Variants in PRPF18 observed in about 807,000 individuals in gnomAD.
PRPF18 encodes the protein pre-mRNA-splicing factor 18.
Under a neutral mutation model 46.5 loss-of-function variants are expected in PRPF18, and 38 were observed. The ratio of observed to expected loss-of-function variants is 0.82; its 90% CI spans 0.63 to 1.07. The LOEUF is 1.07. Ranked by LOEUF, PRPF18 falls within the 50% of genes least tolerant of loss-of-function variation. The pLI, the probability that PRPF18 is intolerant of heterozygous loss-of-function variation, is 0.00. For synonymous variants in PRPF18, 152 were observed against 146.7 expected, an observed-to-expected ratio of 1.04 and a Z score of -0.26; for missense variants, 263 against 410.0, an observed-to-expected ratio of 0.64 and a Z score of 3.10.
chr10:13,590,561 C>G (rs1484054871), intron 1 of PRPF18, among the ~76,000 whole-genome samples: 1 of 146,722 alleles, frequency 6.8e-6, no homozygotes, highest in Non-Finnish European at 1.5e-5. Context: ...GCGGGGCTTG[C>G]AGTGAGCTGA....
chr10:13,602,538 TTG>T (rs1312849456), intron 3 of PRPF18, among the ~76,000 whole-genome samples: 4 of 151,786 alleles, frequency 2.6e-5, no homozygotes, highest in Admixed American at 1.3e-4. Flanking sequence ...AGCATCATGC[TTG>T]GAAAGGTTTC....
At chr10:13,645,234 TTTG>T in the PRPF18 span, 1 of 152,228 alleles carries the variant, frequency 6.6e-6, no homozygotes, top group Admixed American at 6.5e-5. Context: ...AAGATTTTTC[TTTG>T]TTTTTATGCT....
At chr10:13,654,612 G>C in the PRPF18 span, 1 of 723,070 alleles carries the variant, frequency 1.4e-6, no homozygotes, top group Non-Finnish European at 2.4e-6. Context: ...AGTGGCCAGA[G>C]GTCACCATTT....
chr10:13,630,776 A>G lies in PRPF18; in HGVS notation c.*436A>G, dbSNP rs1043628441. 6.6e-6 allele frequency: 1 copy of G among 152,144 alleles called. No homozygotes were observed. Among genetic ancestry groups the G allele is most frequent in the Non-Finnish European group, 1.5e-5 (1 of 68,036 alleles). 9.4% of individuals were successfully genotyped at this position (152,144 alleles called of 1,614,324 possible). On this transcript the variant is annotated 3_prime_UTR_variant, in exon 10 of 10. Coordinates refer to ENST00000378572, the MANE Select transcript of PRPF18 (RefSeq NM_003675.4). Reference sequence around the variant, plus strand: ...AAATATTTTTATATATTTCAAAAACATGGGACCATTGAATGAAACTTTATA... The same window carrying G: ...AAATATTTTTATATATTTCAAAAACGTGGGACCATTGAATGAAACTTTATA...
intron 1 of PRPF18, among the ~76,000 whole-genome samples, chr10:13,591,092 C>T (rs1001117872): frequency 9.2e-5 from 14 of 152,160 alleles, no homozygotes; most frequent in African/African-American, 2.7e-4. Flanking sequence ...TGTGGCCAGC[C>T]GGGATAGATC....
chr10:13,608,389 T>C (rs1209706585), intron 4 of PRPF18, among the ~76,000 whole-genome samples: 1 of 152,252 alleles, frequency 6.6e-6, no homozygotes, highest in African/African-American at 2.4e-5. Context: ...CGACCTGCTC[T>C]GTCTGCTAGC....
At chr10:13,587,196 G>T (rs1290536915) in intron 1 of PRPF18, 44 bp downstream of exon 1, 4 of 1,571,228 alleles carry the variant, frequency 2.5e-6, no homozygotes, top group Non-Finnish European at 3.5e-6. Context: ...AAGAGTGAGA[G>T]TATGTGTGTC....
intron 9 of PRPF18, among the ~76,000 whole-genome samples, chr10:13,619,675 T>C (rs74755883): frequency 0.037 from 5,620 of 152,226 alleles, 313 homozygotes; most frequent in African/African-American, 0.12. Context: ...TTTTATTTTC[T>C]TCTCACCTGT....
At chr10:13,646,861 G>C in the PRPF18 span, 2 of 257,582 alleles carry the variant, frequency 7.8e-6, no homozygotes, top group Non-Finnish European at 1.2e-5. Context: ...CGGTGCGTCT[G>C]GGTAAGGCAA....
chr10:13,647,810 G>A, the PRPF18 span: 1 of 149,462 alleles, frequency 6.7e-6, no homozygotes, highest in Non-Finnish European at 1.5e-5. Flanking sequence ...ATCTTAAGAA[G>A]CAATCATAGA....
the PRPF18 span, chr10:13,638,520 GGTGGTGTAGCTC>G: frequency 6.6e-6 from 1 of 152,066 alleles, no homozygotes; most frequent in Non-Finnish European, 1.5e-5. Context: ...CAGGAAAGTT[GGTGGTGTAGCTC>G]CCGTCTGAAT....
chr10:13,615,903 G>A (rs553716253), intron 8 of PRPF18, among the ~76,000 whole-genome samples: 1 of 152,138 alleles, frequency 6.6e-6, no homozygotes, highest in Admixed American at 6.5e-5. Flanking sequence ...CTGTGTGGTC[G>A]TCGGCACATA....
chr10:13,605,288 C>G (rs562822559), intron 3 of PRPF18, among the ~76,000 whole-genome samples: 44 of 152,194 alleles, frequency 2.9e-4, no homozygotes, highest in Middle Eastern at 6.8e-3. Context: ...TTTTTCCTCT[C>G]TCAAAAGTTT....
At chr10:13,641,380 C>T in the PRPF18 span, 4 of 152,232 alleles carry the variant, frequency 2.6e-5, no homozygotes, top group African/African-American at 7.2e-5. Context: ...CATGTTAGCA[C>T]ATTAGACATC....
chr10:13,611,080 AAGATCAT>A (rs1245515134), intron 5 of PRPF18, among the ~76,000 whole-genome samples: 1 of 152,128 alleles, frequency 6.6e-6, no homozygotes, highest in Admixed American at 6.5e-5. Flanking sequence ...CCCTCTGAAT[AAGATCAT>A]AGTTGAGGAA....
the PRPF18 span, chr10:13,655,220 A>C: frequency 6.6e-6 from 1 of 152,212 alleles, no homozygotes; most frequent in Non-Finnish European, 1.5e-5. Flanking sequence ...TAAACCTCAG[A>C]TACAGCTTAA....
At chr10:13,610,576 C>T (rs973938152) in intron 5 of PRPF18, among the ~76,000 whole-genome samples, 9 of 152,284 alleles carry the variant, frequency 5.9e-5, no homozygotes, top group African/African-American at 1.7e-4. Context: ...TCTGTGTACA[C>T]TGAATCCTTT....
intron 9 of PRPF18, among the ~76,000 whole-genome samples, chr10:13,619,410 G>A (rs77273823): frequency 0.037 from 5,614 of 152,292 alleles, 309 homozygotes; most frequent in African/African-American, 0.12. Flanking sequence ...AATAGGCAGA[G>A]TTGTCCCAAG....
rs1213093356 is a variant in PRPF18 at position 13,630,708 on chromosome 10, A to T, written c.*368A>T. The T allele has an allele frequency of 1.3e-5, 2 of 152,512 alleles. No homozygotes were observed. Among genetic ancestry groups the T allele is most frequent in the East Asian group, 3.8e-4 (2 of 5,242 alleles). The allele number at this position is 152,512 out of a possible 1,614,324, so 9.4% of individuals were successfully genotyped here. A position where few individuals can be genotyped will look rare whatever the true frequency, so the allele number is the denominator to read the frequency against. ...AGGATGGACTTAATTATTTCAGTAA[A>T]ATATTATAATTTGCCTATTGTCTTT... On this transcript the variant is annotated 3_prime_UTR_variant, in exon 10 of 10. Transcript: ENST00000378572.
Sources: allele counts gnomAD v4.1 joint callset (sites outside exome capture counted in the v4.1 genomes callset), GRCh38; gene constraint gnomAD v4.1.1; transcripts MANE v1.5; gene names NCBI Gene and HGNC (gene_info 2026-07-23, HGNC 2026-07-21).